The following ABL2 variants were observed in gnomAD, a reference collection of about 807,000 sequenced individuals.
The protein encoded by ABL2 is ABL proto-oncogene 2, non-receptor tyrosine kinase.
A neutral mutation model predicts 107.7 loss-of-function variants in ABL2; 49 were observed. That is an observed-to-expected ratio of 0.45 (90% confidence interval 0.36 to 0.58). ABL2 has a LOEUF of 0.58. Among genes scored for constraint, ABL2 ranks in the 20% least tolerant of loss-of-function variants. ABL2 has a pLI of 0.00. For missense variants in ABL2, 1,245 were observed against 1,457.0 expected (o/e 0.85, Z 2.37); for synonymous variants, 549 against 548.6 (o/e 1.00, Z -0.01).
intron 1 of ABL2, among the ~76,000 whole-genome samples, chr1:179,205,542 GAAC>G: frequency 6.6e-6 from 1 of 152,140 alleles, no homozygotes; most frequent in East Asian, 1.9e-4. Flanking sequence ...CAGCTTTCTA[GAAC>G]GATGGTTGAA....
At chr1:179,165,694 C>T (rs879753830) in intron 1 of ABL2, among the ~76,000 whole-genome samples, 3 of 151,914 alleles carry the variant, frequency 2.0e-5, no homozygotes, top group South Asian at 2.1e-4. Flanking sequence ...GGGGAGGGGA[C>T]AGTTATGCCA....
chr1:179,155,231 G>A (rs915118652), intron 1 of ABL2, among the ~76,000 whole-genome samples: 1 of 152,124 alleles, frequency 6.6e-6, no homozygotes, highest in Non-Finnish European at 1.5e-5. Flanking sequence ...CCCCAAAGTC[G>A]GCTGATCTTG....
At chr1:179,142,671 T>C (rs1657695232) in intron 1 of ABL2, among the ~76,000 whole-genome samples, 1 of 152,130 alleles carries the variant, frequency 6.6e-6, no homozygotes, top group South Asian at 2.1e-4. Flanking sequence ...TATTCAACAG[T>C]TTTCAATATA....
intron 1 of ABL2, among the ~76,000 whole-genome samples, chr1:179,215,050 C>T (rs1300312152): frequency 1.3e-5 from 2 of 151,790 alleles, no homozygotes; most frequent in African/African-American, 4.8e-5. Flanking sequence ...GTCCCAGCTA[C>T]TAGGGAGGCT....
chr1:179,199,443 A>C (rs1661525011), intron 1 of ABL2, among the ~76,000 whole-genome samples: 1 of 152,132 alleles, frequency 6.6e-6, no homozygotes, highest in South Asian at 2.1e-4. Flanking sequence ...CCTCACATCA[A>C]ACAATAAACA....
intron 1 of ABL2, among the ~76,000 whole-genome samples, chr1:179,188,787 T>C (rs1660831850): frequency 6.6e-6 from 1 of 152,184 alleles, no homozygotes; most frequent in Non-Finnish European, 1.5e-5. Flanking sequence ...ATCTAAAATG[T>C]CTGACTCTAG....
intron 1 of ABL2, among the ~76,000 whole-genome samples, chr1:179,167,837 G>A (rs750354720): frequency 7.2e-5 from 11 of 152,066 alleles, no homozygotes; most frequent in Non-Finnish European, 1.3e-4. Context: ...AAAACTCTGC[G>A]GGGTGTGGTG....
intron 1 of ABL2, among the ~76,000 whole-genome samples, chr1:179,186,297 T>A (rs1263846975): frequency 6.6e-6 from 1 of 152,120 alleles, no homozygotes; most frequent in Non-Finnish European, 1.5e-5. Flanking sequence ...TAATGAGTAA[T>A]GTATACTAGC....
At position 179,196,145 on chromosome 1, in the gene ABL2, G is replaced by A. The variant is rs561872251; in HGVS notation, c.157+33096C>T. 5.9e-5 allele frequency among the ~76,000 whole-genome samples: 9 copies of A among 152,250 alleles called. No individual in the cohort carries two copies. In the East Asian group the frequency reaches 7.7e-4, roughly 13 times the overall value. On this transcript the variant is annotated intron_variant, in intron 1 of 11. Transcript: ENST00000502732. Reference sequence around the variant, plus strand: ...AGGGCCAACCTTGCAAGCAGACCTCGCTAAGCATATCAGTCTCAATCAGGC... The same window carrying A: ...AGGGCCAACCTTGCAAGCAGACCTCACTAAGCATATCAGTCTCAATCAGGC...
intron 1 of ABL2, among the ~76,000 whole-genome samples, chr1:179,216,599 C>T (rs1248602690): frequency 6.6e-6 from 1 of 152,112 alleles, no homozygotes; most frequent in Non-Finnish European, 1.5e-5. Flanking sequence ...AGAAAATGCT[C>T]TGGAGTGTTA....
At chr1:179,216,977 C>A (rs539126472) in intron 1 of ABL2, among the ~76,000 whole-genome samples, 1 of 151,876 alleles carries the variant, frequency 6.6e-6, no homozygotes, top group Non-Finnish European at 1.5e-5. Context: ...CCACCTCACC[C>A]GGCCAGTTAC....
In ABL2 at chr1:179,219,402, G is replaced by GA. The variant is rs199868718; in HGVS notation, c.157+9838dup. On this transcript the variant is annotated intron_variant, in intron 1 of 11. Transcript: ENST00000502732. ...GAGGTAAAAATAACACAGAGAAGAAGAAAAAAAAAGGTCTTAAAGGATGTC... is the reference window on the plus strand; with the variant it reads ...GAGGTAAAAATAACACAGAGAAGAAGAAAAAAAAAAGGTCTTAAAGGATGTC... Among the ~76,000 whole-genome samples, 803 of 148,846 alleles carry GA rather than the reference G, an allele frequency of 5.4e-3. 7 individuals are homozygous for GA. Among genetic ancestry groups the GA allele is most frequent in the African/African-American group, 0.018 (750 of 40,632 alleles).
rs192219602 is a variant in ABL2, at chr1:179,125,774, G to C, written c.687+603C>G. ...TCCCCCACAGCTTGCCTATCACATAGAGGAGAATAGAAGAAATAATTCAAC... is the reference window on the plus strand; with the variant it reads ...TCCCCCACAGCTTGCCTATCACATACAGGAGAATAGAAGAAATAATTCAAC... On this transcript the variant is annotated intron_variant, in intron 4 of 11. Transcript: ENST00000502732. Among the ~76,000 whole-genome samples the C allele has an allele frequency of 2.0e-3, 312 of 152,246 alleles. 1 individual carries two copies. Among genetic ancestry groups the C allele is most frequent in the Admixed American group, 3.7e-3 (56 of 15,284 alleles).
At chr1:179,228,349 A>AAAAAAC (rs1029458056) in intron 1 of ABL2, among the ~76,000 whole-genome samples, 1 of 152,326 alleles carries the variant, frequency 6.6e-6, no homozygotes, top group South Asian at 2.1e-4. Flanking sequence ...TCTGTCTCAA[A>AAAAAAC]AAAAACAAAA....
chr1:179,105,529 C>A lies in ABL2; in HGVS notation c.*2189G>T. ...GCAGGAAAGAAGGTGGGAGAAGGAC[C>A]GCTGGTTTTTACATCTGAGTTCTCT... On this transcript the variant is annotated 3_prime_UTR_variant, in exon 12 of 12. Coordinates refer to ENST00000502732, the MANE Select transcript of ABL2 (RefSeq NM_007314.4). The A allele has an allele frequency of 4.4e-6, 1 of 229,446 alleles. No homozygotes were observed. The highest frequency in any genetic ancestry group is 8.6e-6 in the Non-Finnish European group (1 of 115,708). The allele number at this position is 229,446 out of a possible 1,614,324, so 14.2% of individuals were successfully genotyped here.
chr1:179,129,405 T>C (rs751390780), intron 3 of ABL2, among the ~76,000 whole-genome samples: 1 of 152,202 alleles, frequency 6.6e-6, no homozygotes, highest in Non-Finnish European at 1.5e-5. Flanking sequence ...ACTTTCTGGC[T>C]GGGCGTGGTG....
Position 179,229,259 on chromosome 1 carries a change from T to C in ABL2, c.139A>G (p.Asn47Asp), listed in dbSNP as rs779772886. 1 of 1,545,904 alleles carries C rather than the reference T, an allele frequency of 6.5e-7. No homozygotes were observed. The highest frequency in any genetic ancestry group is 8.7e-7 in the Non-Finnish European group (1 of 1,146,556). Residue 47 changes from asparagine to aspartate, a missense_variant, in exon 1 of 12, where the codon AAT (asparagine) becomes GAT (aspartate). By Grantham distance (23) the Asn-to-Asp change is conservative. Around this residue, in one of 3 missense-constraint regions of ABL2, gnomAD observed 164 missense variants for 143.7 expected, o/e 1.14. Transcript: ENST00000502732. ...CACTCACCATGCTGGGTGAAGATAT[T>C]GAAGCCGGTCTCTGTGGTGCGCCCC... ...PAGRTTETGF[N>D]IFTQHDHFAS...
intron 9 of ABL2, 83 bp from the exon 10 acceptor site, chr1:179,112,481 T>C (rs1654186199): frequency 2.0e-6 from 2 of 1,011,778 alleles, no homozygotes; most frequent in South Asian, 1.4e-5. Context: ...GTTCTATGCA[T>C]CATGATGCAC....
intron 1 of ABL2, among the ~76,000 whole-genome samples, chr1:179,169,115 G>A (rs1659563890): frequency 1.3e-5 from 2 of 152,050 alleles, no homozygotes; most frequent in African/African-American, 2.4e-5. Context: ...TCAGAGAGTT[G>A]AGAGTTAGAA....
Sources: allele counts gnomAD v4.1 joint callset (sites outside exome capture counted in the v4.1 genomes callset), GRCh38; gene constraint gnomAD v4.1.1; regional missense constraint gnomAD v4.1.1; transcripts MANE v1.5; gene names NCBI Gene and HGNC (gene_info 2026-07-23, HGNC 2026-07-21).